The following PCDHA11 variants were observed in gnomAD, a reference collection of about 807,000 sequenced individuals.
PCDHA11 encodes the protein protocadherin alpha-11.
Under a neutral mutation model 70.3 loss-of-function variants are expected in PCDHA11, and 61 were observed. That is an observed-to-expected ratio of 0.87 (90% CI 0.71 to 1.07). The LOEUF (loss-of-function observed/expected upper bound fraction) is 1.07. Among genes scored for constraint, PCDHA11 ranks in the 50% least tolerant of loss-of-function variants. The probability of loss-of-function intolerance (pLI) is 0.00; values close to 1 mark genes in which losing one functional copy is unlikely to be tolerated. For synonymous variants in PCDHA11, 633 were observed against 555.1 expected (o/e 1.14, Z -1.97); for missense variants, 1,324 against 1,237.5 (o/e 1.07, Z -1.05).
At chr5:140,877,864 A>ATATT in intron 1 of PCDHA11, 1 of 1,500,280 alleles carries the variant, frequency 6.7e-7, no homozygotes, top group East Asian at 2.4e-5. Flanking sequence ...TTATTTAGAT[A>ATATT]TATTTGTTTC....
intron 1 of PCDHA11, among the ~76,000 whole-genome samples, chr5:140,941,192 TTTCTTTCTTCC>T (rs1330855559): frequency 1.0e-5 from 1 of 99,660 alleles, no homozygotes; most frequent in Non-Finnish European, 2.1e-5. Flanking sequence ...CTTCTTTTTT[TTTCTTTCTTCC>T]TTTCTTTCTT....
intron 1 of PCDHA11, among the ~76,000 whole-genome samples, chr5:140,961,052 G>A (rs942442138): frequency 7.9e-5 from 12 of 152,272 alleles, no homozygotes; most frequent in African/African-American, 2.9e-4. Flanking sequence ...TTAACAAAAT[G>A]TTGAATGGGA....
intron 1 of PCDHA11, among the ~76,000 whole-genome samples, chr5:140,959,390 A>G (rs1554224055): frequency 6.6e-6 from 1 of 152,146 alleles, no homozygotes; most frequent in African/African-American, 2.4e-5. Context: ...AAAAGTCACA[A>G]ATTAAGATAA....
chr5:140,935,280 G>A (rs1039041502), intron 1 of PCDHA11, among the ~76,000 whole-genome samples: 2 of 152,114 alleles, frequency 1.3e-5, no homozygotes, highest in Admixed American at 6.5e-5. Context: ...ATCTAATAAA[G>A]TTCAGCACTC....
intron 1 of PCDHA11, among the ~76,000 whole-genome samples, chr5:140,935,894 CTTTTTTTT>C (rs55841305): frequency 1.5e-5 from 2 of 136,750 alleles, no homozygotes; most frequent in African/African-American, 5.4e-5. Context: ...TCAATATTAT[CTTTTTTTT>C]TTTTTTTTGA....
intron 1 of PCDHA11, among the ~76,000 whole-genome samples, chr5:140,973,724 G>T (rs1272606867): frequency 6.6e-6 from 1 of 152,176 alleles, no homozygotes; most frequent in Non-Finnish European, 1.5e-5. Context: ...CATCACATGG[G>T]CATCTGGTCT....
chr5:140,953,075 A>G (rs1208986278), intron 1 of PCDHA11, among the ~76,000 whole-genome samples: 4 of 152,190 alleles, frequency 2.6e-5, no homozygotes, highest in Admixed American at 2.6e-4. Context: ...CATCTCCAAC[A>G]TTGGGGATTA....
chr5:140,906,661 A>C (rs1237437986), intron 1 of PCDHA11, among the ~76,000 whole-genome samples: 1 of 152,176 alleles, frequency 6.6e-6, no homozygotes, highest in African/African-American at 2.4e-5. Flanking sequence ...TTCCTGGTGT[A>C]GTGACCCAAA....
At chr5:140,967,591 G>A (rs1554229706) in intron 1 of PCDHA11, 1 of 1,614,154 alleles carries the variant, frequency 6.2e-7, no homozygotes, top group East Asian at 2.2e-5. Flanking sequence ...CAGGCACATT[G>A]GTGGTGAAGC....
intron 1 of PCDHA11, among the ~76,000 whole-genome samples, chr5:140,887,915 C>T (rs566586212): frequency 6.6e-6 from 1 of 152,290 alleles, no homozygotes; most frequent in Non-Finnish European, 1.5e-5. Flanking sequence ...GTGTATTCTT[C>T]ATTTCAGAGA....
At chr5:140,926,333 C>A (rs1244364456) in intron 1 of PCDHA11, 3 of 152,288 alleles carry the variant, frequency 2.0e-5, no homozygotes, top group African/African-American at 7.2e-5. Flanking sequence ...GGTCAGAGCG[C>A]CGGGACCCGA....
rs143182337 is a variant in PCDHA11 at position 140,938,958 on chromosome 5, G to A, written c.2392-39991G>A. On this transcript the variant is annotated intron_variant, in intron 1 of 3. Coordinates refer to ENST00000398640, the MANE Select transcript of PCDHA11 (RefSeq NM_018902.5). ...TTTCCATTCTTATAATGCTCTAGTC[G>A]GAGTTTGGCATCAAGGCTATCCTGG... 3.2e-3 allele frequency among the ~76,000 whole-genome samples: 486 copies of A among 152,204 alleles called. 2 individuals carry two copies. Among genetic ancestry groups the A allele is most frequent in the Middle Eastern group, 0.014 (4 of 294 alleles).
intron 1 of PCDHA11, among the ~76,000 whole-genome samples, chr5:140,903,368 A>G (rs1554190936): frequency 6.6e-6 from 1 of 152,234 alleles, no homozygotes; most frequent in Non-Finnish European, 1.5e-5. Flanking sequence ...TCAAAAATAT[A>G]GGGAGGATTG....
chr5:140,958,867 T>A (rs1312043891), intron 1 of PCDHA11, among the ~76,000 whole-genome samples: 1 of 152,146 alleles, frequency 6.6e-6, no homozygotes, highest in Admixed American at 6.5e-5. Context: ...ACTGGGTTTA[T>A]AAAAGAATTG....
intron 1 of PCDHA11, among the ~76,000 whole-genome samples, chr5:140,978,653 G>T (rs527551897): frequency 6.6e-6 from 1 of 152,196 alleles, no homozygotes; most frequent in Non-Finnish European, 1.5e-5. Flanking sequence ...TGTTCTTCCC[G>T]TAGTGTTTTA....
chr5:141,008,265 G>C (rs748504708), intron 3 of PCDHA11, among the ~76,000 whole-genome samples: 4 of 152,200 alleles, frequency 2.6e-5, no homozygotes, highest in Admixed American at 6.5e-5. Flanking sequence ...AGACTGAGAA[G>C]TAATAGGAAA....
intron 1 of PCDHA11, chr5:140,927,901 GC>G (rs1423958386): frequency 3.1e-6 from 5 of 1,614,084 alleles, no homozygotes; most frequent in Non-Finnish European, 4.2e-6. Context: ...GAACGATCAT[GC>G]CCCCGAACTG....
intron 1 of PCDHA11, chr5:140,876,818 A>G: frequency 6.2e-7 from 1 of 1,614,158 alleles, no homozygotes; most frequent in Non-Finnish European, 8.5e-7. Flanking sequence ...GCCGACGTGA[A>G]CGACAATGCG....
intron 1 of PCDHA11, among the ~76,000 whole-genome samples, chr5:140,901,055 A>G (rs1454535703): frequency 6.6e-6 from 1 of 152,088 alleles, no homozygotes; most frequent in African/African-American, 2.4e-5. Context: ...AAATTAGATT[A>G]TTAGATTTTT....
Sources: allele counts gnomAD v4.1 joint callset (sites outside exome capture counted in the v4.1 genomes callset), GRCh38; gene constraint gnomAD v4.1.1; transcripts MANE v1.5; gene names NCBI Gene and HGNC (gene_info 2026-07-23, HGNC 2026-07-21).